The following ARHGAP42 variants were observed in gnomAD, a reference collection of about 807,000 sequenced individuals.
The protein encoded by ARHGAP42 is Rho GTPase activating protein 42.
Under a neutral mutation model 125.0 loss-of-function variants are expected in ARHGAP42, and 63 were observed. That is an observed-to-expected ratio of 0.50 (90% CI 0.41 to 0.62). The LOEUF (loss-of-function observed/expected upper bound fraction) is 0.62, where lower values mean the gene tolerates loss of function less well. Among genes scored for constraint, ARHGAP42 ranks in the 20% least tolerant of loss-of-function variants. The pLI, the probability that ARHGAP42 is intolerant of heterozygous loss-of-function variation, is 0.00. For synonymous variants in ARHGAP42, 339 were observed against 351.0 expected (o/e 0.97, Z 0.38); for missense variants, 766 against 1,024.2 (o/e 0.75, Z 3.44).
chr11:100,790,904 G>A (rs573951098), intron 2 of ARHGAP42, among the ~76,000 whole-genome samples: 4 of 152,104 alleles, frequency 2.6e-5, no homozygotes, highest in Non-Finnish European at 5.9e-5. Context: ...TAATAATATT[G>A]ATAAATAAAA....
intron 22 of ARHGAP42, among the ~76,000 whole-genome samples, chr11:100,986,746 C>T (rs1329881755): frequency 6.6e-6 from 1 of 152,004 alleles, no homozygotes; most frequent in Non-Finnish European, 1.5e-5. Flanking sequence ...AGGAGACCTG[C>T]CTGGTGCCTT....
chr11:100,710,880 G>C (rs1276239996), intron 1 of ARHGAP42, among the ~76,000 whole-genome samples: 1 of 152,130 alleles, frequency 6.6e-6, no homozygotes, highest in Non-Finnish European at 1.5e-5. Flanking sequence ...GGTGCCTTTT[G>C]GCTTCAGGCT....
intron 1 of ARHGAP42, among the ~76,000 whole-genome samples, chr11:100,701,209 C>T (rs557241868): frequency 6.7e-6 from 1 of 149,040 alleles, no homozygotes; most frequent in Admixed American, 6.8e-5. Context: ...ATTCAGTAAA[C>T]AGTGTACTGT....
chr11:100,895,893 A>G (rs1191937264), intron 4 of ARHGAP42, among the ~76,000 whole-genome samples: 1 of 151,994 alleles, frequency 6.6e-6, no homozygotes, highest in Non-Finnish European at 1.5e-5. Context: ...CACAACGTGT[A>G]GGATTGTTAC....
intron 2 of ARHGAP42, among the ~76,000 whole-genome samples, chr11:100,776,182 T>G (rs994789794): frequency 6.6e-6 from 1 of 152,068 alleles, no homozygotes; most frequent in Non-Finnish European, 1.5e-5. Flanking sequence ...AGTTAGATAT[T>G]GTTAGTCAAA....
intron 6 of ARHGAP42, among the ~76,000 whole-genome samples, chr11:100,925,032 A>T (rs1010781139): frequency 2.0e-5 from 3 of 151,874 alleles, no homozygotes; most frequent in African/African-American, 7.3e-5. Flanking sequence ...GGGTTTCACC[A>T]TGTTGGCCAG....
chr11:100,913,734 A>C (rs1866990290), intron 5 of ARHGAP42, among the ~76,000 whole-genome samples, 181 bp downstream of exon 5: 1 of 152,232 alleles, frequency 6.6e-6, no homozygotes, highest in Non-Finnish European at 1.5e-5. Context: ...GTTCCAAGTG[A>C]AGGATCAATA....
chr11:100,776,490 C>T (rs539300622), intron 2 of ARHGAP42, among the ~76,000 whole-genome samples: 10 of 152,292 alleles, frequency 6.6e-5, no homozygotes, highest in Admixed American at 4.6e-4. Flanking sequence ...AGGCAATACA[C>T]TACCATTTGT....
intron 3 of ARHGAP42, among the ~76,000 whole-genome samples, chr11:100,851,175 C>G (rs1865196387): frequency 6.6e-6 from 1 of 152,042 alleles, no homozygotes; most frequent in Admixed American, 6.6e-5. Context: ...AGCCACTGCG[C>G]CTGGCCAGGA....
At chr11:100,956,203 G>A (rs2135292458) in intron 12 of ARHGAP42, among the ~76,000 whole-genome samples, 1 of 152,190 alleles carries the variant, frequency 6.6e-6, no homozygotes, top group Middle Eastern at 3.4e-3. Flanking sequence ...AGTTAAGGGA[G>A]GAAAAGTTCA....
intron 2 of ARHGAP42, among the ~76,000 whole-genome samples, chr11:100,794,593 C>G (rs781366206): frequency 6.6e-6 from 1 of 152,074 alleles, no homozygotes; most frequent in Non-Finnish European, 1.5e-5. Context: ...TAAAGTTGAT[C>G]CCTTCAGTAT....
intron 3 of ARHGAP42, among the ~76,000 whole-genome samples, chr11:100,856,620 A>G (rs1303668046): frequency 6.6e-6 from 1 of 152,080 alleles, no homozygotes; most frequent in Non-Finnish European, 1.5e-5. Flanking sequence ...ATTTGTTATA[A>G]TGGTTTATGG....
intron 1 of ARHGAP42, among the ~76,000 whole-genome samples, chr11:100,757,346 C>T (rs908214337): frequency 6.6e-6 from 1 of 152,152 alleles, no homozygotes; most frequent in Non-Finnish European, 1.5e-5. Context: ...AACCTTGAGC[C>T]TTAGTTTCCT....
Position 100,968,301 on chromosome 11 carries a change from AT to A in ARHGAP42, c.1550+2527del, listed in dbSNP as rs137887591. Among the ~76,000 whole-genome samples the A allele has an allele frequency of 2.9e-3, 439 of 152,208 alleles. 2 individuals are homozygous for A. Among genetic ancestry groups the A allele is most frequent in the Non-Finnish European group, 5.3e-3 (362 of 68,004 alleles). The stretch of plus-strand genomic sequence containing the variant: ...TAATCCATTCACATTTAATGTTATT[AT>A]TGATGTGGTTGGACCTATATCTACC... On this transcript the variant is annotated intron_variant, in intron 17 of 23. Transcript: ENST00000298815.
At chr11:100,949,203 T>G (rs576303565) in intron 11 of ARHGAP42, among the ~76,000 whole-genome samples, 1 of 152,032 alleles carries the variant, frequency 6.6e-6, no homozygotes, top group Non-Finnish European at 1.5e-5. Flanking sequence ...GCAAAGAACC[T>G]GTACAGCAAT....
intron 7 of ARHGAP42, among the ~76,000 whole-genome samples, chr11:100,935,781 G>C (rs1030485739): frequency 2.0e-5 from 3 of 152,054 alleles, no homozygotes; most frequent in African/African-American, 7.3e-5. Flanking sequence ...ACATCACAAA[G>C]ACATAGATGT....
At chr11:100,867,712 T>C (rs1591252312) in intron 4 of ARHGAP42, among the ~76,000 whole-genome samples, 1 of 152,246 alleles carries the variant, frequency 6.6e-6, no homozygotes, top group East Asian at 1.9e-4. Context: ...CAAGAACTTT[T>C]GTATTCACAG....
At chr11:100,788,902 A>C (rs1863497376) in intron 2 of ARHGAP42, among the ~76,000 whole-genome samples, 2 of 151,888 alleles carry the variant, frequency 1.3e-5, no homozygotes, top group African/African-American at 4.8e-5. Flanking sequence ...AAAAATTAAG[A>C]CTCTCTCAGT....
At chr11:100,688,580 C>T (rs981167057) in intron 1 of ARHGAP42, among the ~76,000 whole-genome samples, 1 of 152,138 alleles carries the variant, frequency 6.6e-6, no homozygotes, top group African/African-American at 2.4e-5. Context: ...TTCCTTCCTC[C>T]TTTTATCCTC....
Sources: gnomAD v4.1 joint callset for allele counts (sites outside exome capture counted in the v4.1 genomes callset) on GRCh38, gnomAD v4.1.1 for gene constraint, MANE v1.5 for transcripts, NCBI Gene and HGNC (gene_info 2026-07-23, HGNC 2026-07-21) for gene names.